The following EVI5L variants were observed in gnomAD, a reference collection of about 807,000 sequenced individuals.
EVI5L encodes the protein ecotropic viral integration site 5 like.
In EVI5L, 30 loss-of-function variants were observed where a neutral mutation model predicts 106.1. The observed-to-expected ratio is 0.28, with a 90% CI of 0.21 to 0.38. The LOEUF is 0.38. Ranked by LOEUF, EVI5L falls within the 10% of genes least tolerant of loss-of-function variation. The pLI, the probability that EVI5L is intolerant of heterozygous loss-of-function variation, is 1.00. For synonymous variants in EVI5L, 489 were observed against 483.3 expected (o/e 1.01, Z -0.15); for missense variants, 809 against 1,098.0 (o/e 0.74, Z 3.72).
In EVI5L at chr19:7,849,315, C is replaced by T; in HGVS notation, c.612C>T (p.Gly204=). 2 of 1,614,112 alleles carry T rather than the reference C, an allele frequency of 1.2e-6. No individual in the cohort carries two copies. The highest frequency in any genetic ancestry group is 8.5e-7 in the Non-Finnish European group (1 of 1,180,028). The part of the protein sequence containing the change: ...GYCQGSAFIV[G]LLLMQMPEEE... ...GCCAGGGAAGCGCCTTCATCGTGGG[C>T]CTGCTCCTCATGCAGGTAGGTGGCT... Residue 204 remains glycine (G), a synonymous_variant, in exon 5 of 20, where the codon GGC becomes GGT. Coordinates refer to ENST00000538904, the MANE Select transcript of EVI5L (RefSeq NM_001159944.3).
chr19:7,832,464 C>T (rs1051058383), intron 1 of EVI5L, among the ~76,000 whole-genome samples: 1 of 152,216 alleles, frequency 6.6e-6, no homozygotes, highest in African/African-American at 2.4e-5. Flanking sequence ...CGGCTCAGTA[C>T]CTCAACTTCC....
At chr19:7,838,674 A>G (rs1978456441) in intron 1 of EVI5L, among the ~76,000 whole-genome samples, 1 of 152,164 alleles carries the variant, frequency 6.6e-6, no homozygotes, top group African/African-American at 2.4e-5. Flanking sequence ...TTGTCCTCAA[A>G]TCGTGCATGA....
chr19:7,848,010 G>C lies in EVI5L; in HGVS notation c.327+89G>C, dbSNP rs982391362. 4 of 1,420,524 alleles carry C rather than the reference G, an allele frequency of 2.8e-6. No homozygotes were observed. Among genetic ancestry groups the C allele is most frequent in the Non-Finnish European group, 3.7e-6 (4 of 1,068,536 alleles). The allele number at this position is 1,420,524 out of a possible 1,614,324, so 88.0% of individuals were successfully genotyped here. ...CCACCAGGCAGCGCCAGGGTCTGCG[G>C]GGCCCCAGCCTGGGCACAGCGGCAG... On this transcript the variant is annotated intron_variant, in intron 3 of 19. Transcript: ENST00000538904. This position sits in a 1 kb window ranked among gnomAD's most constrained non-coding sequence, Gnocchi z 4.8.
chr19:7,856,965 T>G lies in EVI5L; in HGVS notation c.1201-127T>G, dbSNP rs555812351. 119 of 964,848 alleles carry G rather than the reference T, an allele frequency of 1.2e-4. No individual in the cohort carries two copies. Among genetic ancestry groups the G allele is most frequent in the Non-Finnish European group, 1.5e-5 (9 of 617,450 alleles). The allele number at this position is 964,848 out of a possible 1,614,324, so 59.8% of individuals were successfully genotyped here. A position where few individuals can be genotyped will look rare whatever the true frequency, so the allele number is the denominator to read the frequency against. ...TGGTTCTCTGGTCTTCCCTCCTCTCTCCCCCGCTTCTAGAGATAGTCCACT... is the reference window on the plus strand; with the variant it reads ...TGGTTCTCTGGTCTTCCCTCCTCTCGCCCCCGCTTCTAGAGATAGTCCACT... On this transcript the variant is annotated intron_variant, in intron 11 of 19. Coordinates refer to ENST00000538904, the MANE Select transcript of EVI5L (RefSeq NM_001159944.3). The surrounding 1 kb of genome is among the most constrained non-coding windows in gnomAD (Gnocchi z 6.6).
At chr19:7,841,641 A>AC (rs1181221366) in intron 1 of EVI5L, among the ~76,000 whole-genome samples, 3 of 151,648 alleles carry the variant, frequency 2.0e-5, no homozygotes, top group Admixed American at 6.6e-5. Flanking sequence ...AGGGTCCAGG[A>AC]CCCCCCTTCA....
At chr19:7,842,210 A>ATG (rs765657209) in intron 1 of EVI5L, among the ~76,000 whole-genome samples, 1 of 47,638 alleles carries the variant, frequency 2.1e-5, no homozygotes, top group Non-Finnish European at 5.6e-5. Context: ...GTGCATGTAT[A>ATG]TGTGTGTGTG....
At chr19:7,842,412 A>T (rs1416359902) in intron 1 of EVI5L, among the ~76,000 whole-genome samples, 1 of 55,162 alleles carries the variant, frequency 1.8e-5, no homozygotes, top group African/African-American at 5.7e-5. Flanking sequence ...GTGTGTGTGT[A>T]TCAAGTGTGT....
chr19:7,862,286 G>C lies in EVI5L; in HGVS notation c.1800+9G>C, dbSNP rs372773103. 93 of 1,582,138 alleles carry C rather than the reference G, an allele frequency of 5.9e-5. No homozygotes were observed. The African/African-American group carries it at 1.1e-3, about 19-fold the overall frequency. ...TGGAACTTGAGACGCAGGTGGACTC[G>C]GGGGGCCTGCTCGTTGGGGAAGGGG... On this transcript the variant is annotated intron_variant, in intron 16 of 19. Coordinates refer to ENST00000538904, the MANE Select transcript of EVI5L (RefSeq NM_001159944.3).
chr19:7,840,639 C>A (rs1342228832), intron 1 of EVI5L, among the ~76,000 whole-genome samples: 2 of 152,016 alleles, frequency 1.3e-5, no homozygotes. Flanking sequence ...CTCCCCCTGG[C>A]CCCTGGTGAC....
At chr19:7,842,343 A>C (rs950348929) in intron 1 of EVI5L, among the ~76,000 whole-genome samples, 9 of 91,034 alleles carry the variant, frequency 9.9e-5, no homozygotes, top group Non-Finnish European at 1.7e-4. Context: ...AAGTGTGTGC[A>C]TGTGTGTGTG....
chr19:7,858,241 G>A lies in EVI5L; in HGVS notation c.1284G>A (p.Arg428=). ...CGGAGGAGAACTACGTCATCAAGCG[G>A]GAGCTGGCGGTGGTGCGGCAGCAGT... The part of the protein sequence containing the change: ...QEAEENYVIK[R]ELAVVRQQCS... Residue 428 remains arginine (R), a synonymous_variant, in exon 13 of 20, where the codon CGG becomes CGA. Transcript: ENST00000538904. This position sits in a 1 kb window ranked among gnomAD's most constrained non-coding sequence, Gnocchi z 5.7. The A allele has an allele frequency of 1.3e-6, 2 of 1,565,564 alleles. No homozygotes were observed. Among genetic ancestry groups the A allele is most frequent in the Non-Finnish European group, 8.7e-7 (1 of 1,155,236 alleles).
Position 7,830,262 on chromosome 19 carries a change from T to C in EVI5L, c.-167T>C, listed in dbSNP as rs1978289589. ...GCGGCGGAGCCGGCGGCGGCCGCGGTCCCGGGGGGCGGCTGAGGGGGCCGG... is the reference window on the plus strand; with the variant it reads ...GCGGCGGAGCCGGCGGCGGCCGCGGCCCCGGGGGGCGGCTGAGGGGGCCGG... On this transcript the variant is annotated 5_prime_UTR_variant, in exon 1 of 20. Transcript: ENST00000538904. The C allele has an allele frequency of 6.7e-6, 1 of 149,904 alleles. No homozygotes were observed. Among genetic ancestry groups the C allele is most frequent in the Non-Finnish European group, 1.5e-5 (1 of 67,276 alleles). 9.3% of individuals were successfully genotyped at this position (149,904 alleles called of 1,614,324 possible). A position where few individuals can be genotyped will look rare whatever the true frequency, so the allele number is the denominator to read the frequency against.
rs1361034647 is a variant in EVI5L at position 7,863,002 on chromosome 19, C to T, written c.1978C>T (p.Arg660Trp). The change falls in exon 18 of 20, where the codon CGG becomes TGG. Residue 660 changes from arginine to tryptophan, a missense_variant. By Grantham distance (101) the Arg-to-Trp change is moderately radical. This residue lies in a region of EVI5L where 452 missense variants were observed against 509.9 expected (regional missense o/e 0.89). Transcript: ENST00000538904. The surrounding 1 kb of genome is among the most constrained non-coding windows in gnomAD (Gnocchi z 7.7). ...SKEEVMAVRL[R>W]EADSMAAVAE... is the part of the protein sequence containing the mutation. ...GGAGGAGGTGATGGCTGTGCGACTG[C>T]GGGAGGCGGACAGCATGGCTGCGGT... 1.9e-6 allele frequency: 3 copies of T among 1,578,792 alleles called. No individual in the cohort carries two copies. The highest frequency in any genetic ancestry group is 1.1e-5 in the South Asian group (1 of 87,242).
At position 7,857,253 on chromosome 19, in the gene EVI5L, T is replaced by C; in HGVS notation, c.1233+129T>C. ...GGCCTGGCGCCATGCATGGAGCAGC[T>C]GGGGACCGCTTCTGGGGGACACAGA... On this transcript the variant is annotated intron_variant, in intron 12 of 19. Coordinates refer to ENST00000538904, the MANE Select transcript of EVI5L (RefSeq NM_001159944.3). The surrounding 1 kb of genome is among the most constrained non-coding windows in gnomAD (Gnocchi z 4.5). 2 of 1,279,766 alleles carry C rather than the reference T, an allele frequency of 1.6e-6. No individual in the cohort carries two copies. The highest frequency in any genetic ancestry group is 1.3e-5 in the South Asian group (1 of 77,862). The allele number at this position is 1,279,766 out of a possible 1,614,324, so 79.3% of individuals were successfully genotyped here.
rs1978323709 is a variant in EVI5L, at chr19:7,835,318, G to A, written c.-48+4937G>A. ...AGGTCAGGAGTTCGAGACCAGCTTG[G>A]TTAACACAGTGAAACCCCGTCTCTA... On this transcript the variant is annotated intron_variant, in intron 1 of 19. Transcript: ENST00000538904. The surrounding 1 kb of genome is among the most constrained non-coding windows in gnomAD (Gnocchi z 4.1). Among the ~76,000 whole-genome samples the A allele has an allele frequency of 6.6e-6, 1 of 151,934 alleles. No individual in the cohort carries two copies. The highest frequency in any genetic ancestry group is 6.6e-5 in the Admixed American group (1 of 15,242).
intron 5 of EVI5L, 52 bp downstream of exon 5, chr19:7,849,382 G>C (rs1979125418): frequency 1.3e-6 from 2 of 1,599,312 alleles, no homozygotes; most frequent in Non-Finnish European, 1.7e-6. Context: ...CCCACCCTGG[G>C]CTCGGCCCCC....
Position 7,863,690 on chromosome 19 carries a change from T to C in EVI5L, c.2406T>C (p.Gly802=), listed in dbSNP as rs1034222637. 1.3e-6 allele frequency: 2 copies of C among 1,507,556 alleles called. No homozygotes were observed. The highest frequency in any genetic ancestry group is 2.8e-5 in the African/African-American group (2 of 71,118). 93.4% of individuals were successfully genotyped at this position (1,507,556 alleles called of 1,614,324 possible). Residue 802 remains glycine (G), a synonymous_variant, in exon 20 of 20, where the codon GGT becomes GGC. Transcript: ENST00000538904. This position sits in a 1 kb window ranked among gnomAD's most constrained non-coding sequence, Gnocchi z 7.7. ...AGCTGGCCGCGCCCTACAGCCAGGG[T>C]CTGGACAACTGAGGCCATGCCCAGC... is the stretch of plus-strand genomic sequence containing the variant. ...ADELAAPYSQ[G]LDN is the part of the protein sequence containing the mutation.
At chr19:7,843,056 G>A (rs949062880) in intron 1 of EVI5L, among the ~76,000 whole-genome samples, 2 of 148,800 alleles carry the variant, frequency 1.3e-5, no homozygotes, top group African/African-American at 4.9e-5. Flanking sequence ...ATGGCTGTGT[G>A]TCGAGTATGT....
intron 8 of EVI5L, 119 bp downstream of exon 8, chr19:7,851,889 C>T: frequency 1.1e-6 from 1 of 894,990 alleles, no homozygotes; most frequent in South Asian, 2.1e-5. Context: ...GTGTGCCTGA[C>T]ATCCCTGATC....
Sources: gnomAD v4.1 joint callset for allele counts (sites outside exome capture counted in the v4.1 genomes callset) on GRCh38, gnomAD v4.1.1 for gene constraint, gnomAD v4.1.1 regional missense constraint, Gnocchi (gnomAD v3.1) non-coding constraint, MANE v1.5 for transcripts, NCBI Gene and HGNC (gene_info 2026-07-23, HGNC 2026-07-21) for gene names.